The following GABRB2 variants were observed in gnomAD, a reference collection of about 807,000 sequenced individuals.
GABRB2 encodes the protein gamma-aminobutyric acid receptor subunit beta-2.
A neutral mutation model predicts 54.7 loss-of-function variants in GABRB2; 16 were observed. The observed-to-expected ratio is 0.29, with a 90% CI of 0.20 to 0.44. The LOEUF (loss-of-function observed/expected upper bound fraction) is 0.44, where lower values mean the gene tolerates loss of function less well. Among genes scored for constraint, GABRB2 ranks in the 20% least tolerant of loss-of-function variants. The pLI is 1.00. For missense variants in GABRB2, 355 were observed against 644.0 expected, an observed-to-expected ratio of 0.55 and a Z score of 4.86; for synonymous variants, 244 against 233.8, an observed-to-expected ratio of 1.04 and a Z score of -0.40.
chr5:161,408,864 AG>A, intron 5 of GABRB2, among the ~76,000 whole-genome samples: 1 of 152,174 alleles, frequency 6.6e-6, no homozygotes, highest in Middle Eastern at 3.4e-3. Flanking sequence ...ATTAAAGTAA[AG>A]GAATGGATGA....
chr5:161,333,339 G>A (rs989969276), intron 7 of GABRB2, among the ~76,000 whole-genome samples: 68 of 152,130 alleles, frequency 4.5e-4, no homozygotes, highest in Non-Finnish European at 1.5e-4. Context: ...AAGGGGAAAA[G>A]GACATCACAC....
rs563731960 is a variant in GABRB2 at position 161,534,928 on chromosome 5, G to T, written c.237+10299C>A. On this transcript the variant is annotated intron_variant, in intron 3 of 9. Coordinates refer to ENST00000393959, the MANE Select transcript of GABRB2 (RefSeq NM_001371727.1). ...GGAAAATTAGGTCTTGATAATAAAAGAAAAAAAGAAAAAGATGTAGAATAT... is the reference window on the plus strand; with the variant it reads ...GGAAAATTAGGTCTTGATAATAAAATAAAAAAAGAAAAAGATGTAGAATAT... Among the ~76,000 whole-genome samples the T allele has an allele frequency of 1.5e-4, 23 of 151,682 alleles. No homozygotes were observed. In the South Asian group the frequency reaches 4.6e-3, roughly 30 times the overall value.
At chr5:161,363,730 G>A (rs1050307344) in intron 5 of GABRB2, among the ~76,000 whole-genome samples, 6 of 152,000 alleles carry the variant, frequency 3.9e-5, no homozygotes, top group African/African-American at 1.4e-4. Flanking sequence ...ATTAGGGTTA[G>A]AAAGCAATCA....
At chr5:161,423,862 T>G (rs568182301) in intron 4 of GABRB2, among the ~76,000 whole-genome samples, 6 of 152,270 alleles carry the variant, frequency 3.9e-5, no homozygotes, top group African/African-American at 1.4e-4. Flanking sequence ...TGAAGGAAAT[T>G]TAAAGTTCTA....
At chr5:161,429,344 T>TTAAAAAAAAAAAA (rs1561646864) in intron 4 of GABRB2, among the ~76,000 whole-genome samples, 4 of 228 alleles carry the variant, frequency 0.018, no homozygotes, top group Admixed American at 0.15. Context: ...AGAATCCGTC[T>TTAAAAAAAAAAAA]CAAAAAAAAA....
At chr5:161,364,062 A>T (rs1754905041) in intron 5 of GABRB2, among the ~76,000 whole-genome samples, 1 of 152,162 alleles carries the variant, frequency 6.6e-6, no homozygotes, top group Non-Finnish European at 1.5e-5. Flanking sequence ...TACATTAAAC[A>T]CTCATTATGT....
intron 5 of GABRB2, among the ~76,000 whole-genome samples, chr5:161,338,604 T>G (rs994755233): frequency 1.3e-5 from 2 of 151,880 alleles, no homozygotes; most frequent in African/African-American, 2.4e-5. Context: ...CTGGGCAACA[T>G]AGTAAGACCT....
chr5:161,431,476 T>G (rs1757169604), intron 4 of GABRB2, among the ~76,000 whole-genome samples: 1 of 152,166 alleles, frequency 6.6e-6, no homozygotes, highest in Admixed American at 6.6e-5. Flanking sequence ...AGTATACAAC[T>G]TATAACAGGT....
chr5:161,490,622 A>C (rs1254975672), intron 3 of GABRB2, among the ~76,000 whole-genome samples: 1 of 151,738 alleles, frequency 6.6e-6, no homozygotes, highest in Non-Finnish European at 1.5e-5. Flanking sequence ...TAAGACTGTT[A>C]AACTCATCTC....
At chr5:161,539,080 C>T (rs1198214324) in intron 3 of GABRB2, among the ~76,000 whole-genome samples, 1 of 152,158 alleles carries the variant, frequency 6.6e-6, no homozygotes, top group Non-Finnish European at 1.5e-5. Flanking sequence ...GAACTCTTTC[C>T]TCAAAAGTGA....
At chr5:161,512,799 T>C (rs1759817948) in intron 3 of GABRB2, among the ~76,000 whole-genome samples, 1 of 151,992 alleles carries the variant, frequency 6.6e-6, no homozygotes, top group Non-Finnish European at 1.5e-5. Context: ...GAGAAAATAT[T>C]AGCAGAGAAT....
chr5:161,429,262 G>T (rs923097614), intron 4 of GABRB2, among the ~76,000 whole-genome samples: 6 of 148,032 alleles, frequency 4.1e-5, no homozygotes, highest in African/African-American at 1.5e-4. Flanking sequence ...CAGGAGAATC[G>T]CTTGAACAAG....
At chr5:161,354,359 G>A (rs1268892014) in intron 5 of GABRB2, among the ~76,000 whole-genome samples, 1 of 151,966 alleles carries the variant, frequency 6.6e-6, no homozygotes, top group African/African-American at 2.4e-5. Context: ...TATATTCTTA[G>A]ATATGGGGTA....
intron 5 of GABRB2, among the ~76,000 whole-genome samples, chr5:161,387,247 T>A (rs919953997): frequency 2.0e-5 from 3 of 152,060 alleles, no homozygotes. Flanking sequence ...TTCCTAACAA[T>A]GTAAGTTAAA....
At chr5:161,451,625 A>G (rs1181910503) in intron 4 of GABRB2, among the ~76,000 whole-genome samples, 3 of 152,208 alleles carry the variant, frequency 2.0e-5, no homozygotes, top group East Asian at 1.9e-4. Flanking sequence ...TCCATCTTAT[A>G]TAAAAACCAT....
rs556852586 is a variant in GABRB2 at position 161,538,040 on chromosome 5, A to G, written c.237+7187T>C. ...TATATTCCCACTATGCCCTGTGTAT[A>G]TCCTCTTTCAAAGCACTCATGACCC... On this transcript the variant is annotated intron_variant, in intron 3 of 9. Transcript: ENST00000393959. Among the ~76,000 whole-genome samples, 8 of 152,128 alleles carry G rather than the reference A, an allele frequency of 5.3e-5. No individual in the cohort carries two copies. In the East Asian group the frequency reaches 1.4e-3, roughly 26 times the overall value.
In GABRB2 at chr5:161,342,454, C is replaced by T. The variant is rs73797578; in HGVS notation, c.542-5685G>A. The stretch of plus-strand genomic sequence containing the variant: ...GTTTCATGGAAAAGGGTTATGCAAT[C>T]AATATATTTGGGAGTAACTACACAT... On this transcript the variant is annotated intron_variant, in intron 5 of 9. Transcript: ENST00000393959. 4.3e-3 allele frequency among the ~76,000 whole-genome samples: 660 copies of T among 152,100 alleles called. 8 individuals are homozygous for T. Among genetic ancestry groups the T allele is most frequent in the African/African-American group, 0.014 (585 of 41,526 alleles).
chr5:161,470,200 A>G (rs1348608793), intron 3 of GABRB2, among the ~76,000 whole-genome samples: 1 of 151,584 alleles, frequency 6.6e-6, no homozygotes, highest in Admixed American at 6.6e-5. Context: ...GAGCCTTCTA[A>G]TGCATGTTCT....
intron 4 of GABRB2, among the ~76,000 whole-genome samples, chr5:161,434,262 C>A (rs1251470417): frequency 1.3e-5 from 2 of 152,100 alleles, no homozygotes; most frequent in African/African-American, 2.4e-5. Flanking sequence ...ATTTTCATTG[C>A]AATAATAAAT....
Sources: gnomAD v4.1 joint callset for allele counts (sites outside exome capture counted in the v4.1 genomes callset) on GRCh38, gnomAD v4.1.1 for gene constraint, MANE v1.5 for transcripts, NCBI Gene and HGNC (gene_info 2026-07-23, HGNC 2026-07-21) for gene names.